The following PPP2R2A variants were observed in gnomAD, a reference collection of about 807,000 sequenced individuals.
PPP2R2A encodes serine/threonine-protein phosphatase 2A 55 kDa regulatory subunit B alpha isoform.
PPP2R2A carries 9 observed loss-of-function variants against 53.2 expected under a neutral mutation model. The ratio of observed to expected loss-of-function variants is 0.17; its 90% CI spans 0.10 to 0.30. PPP2R2A has a LOEUF of 0.30. Ranked by LOEUF, PPP2R2A falls within the 10% of genes least tolerant of loss-of-function variation. PPP2R2A has a pLI of 1.00. For missense variants in PPP2R2A, 235 were observed against 534.6 expected (o/e 0.44, Z 5.53); for synonymous variants, 169 against 174.2 (o/e 0.97, Z 0.23).
At chr8:26,308,854 C>G (rs1283586003) in intron 2 of PPP2R2A, among the ~76,000 whole-genome samples, 3 of 151,754 alleles carry the variant, frequency 2.0e-5, no homozygotes, top group Admixed American at 6.6e-5. Context: ...TACAGCCTTA[C>G]AAAATATATA....
intron 4 of PPP2R2A, among the ~76,000 whole-genome samples, chr8:26,355,013 T>C (rs914569762): frequency 6.6e-6 from 1 of 152,212 alleles, no homozygotes; most frequent in Non-Finnish European, 1.5e-5. Flanking sequence ...TTATGAATAT[T>C]AAATAACTTC....
intron 2 of PPP2R2A, among the ~76,000 whole-genome samples, chr8:26,333,914 G>T (rs1265977814): frequency 1.3e-5 from 2 of 152,146 alleles, no homozygotes; most frequent in Non-Finnish European, 2.9e-5. Flanking sequence ...GAAAGAGGGG[G>T]TGGAAAAAGT....
At chr8:26,326,446 C>T (rs139815802) in intron 2 of PPP2R2A, among the ~76,000 whole-genome samples, 63 of 152,220 alleles carry the variant, frequency 4.1e-4, no homozygotes, top group African/African-American at 1.5e-3. Flanking sequence ...AATATTTTGC[C>T]TCTTTGTTTT....
chr8:26,293,593 G>A (rs552891908), intron 1 of PPP2R2A, 73 bp from the exon 2 acceptor site: 3 of 1,424,604 alleles, frequency 2.1e-6, no homozygotes, highest in South Asian at 2.5e-5. Context: ...GCCAACCATG[G>A]ATACCATCTT....
intron 2 of PPP2R2A, among the ~76,000 whole-genome samples, chr8:26,304,026 G>A (rs565766238): frequency 1.1e-3 from 171 of 152,324 alleles, no homozygotes; most frequent in African/African-American, 4.0e-3. Context: ...CACAGGGTCT[G>A]TGGACCGGTG....
At chr8:26,293,519 C>G (rs1288836132) in intron 1 of PPP2R2A, 147 bp from the exon 2 acceptor site, 3 of 779,298 alleles carry the variant, frequency 3.8e-6, no homozygotes, top group Non-Finnish European at 6.0e-6. Flanking sequence ...GGACTAACCT[C>G]TTTCCAAACT....
At chr8:26,315,265 G>T (rs1203345354) in intron 2 of PPP2R2A, among the ~76,000 whole-genome samples, 1 of 151,966 alleles carries the variant, frequency 6.6e-6, no homozygotes, top group African/African-American at 2.4e-5. Context: ...AGAGATATTC[G>T]GCTGGTGGGC....
chr8:26,298,922 AT>A (rs1203735499), intron 2 of PPP2R2A, among the ~76,000 whole-genome samples: 15 of 152,240 alleles, frequency 9.9e-5, no homozygotes, highest in African/African-American at 3.4e-4. Flanking sequence ...ACTTGTGGAA[AT>A]AAATTATTAA....
chr8:26,362,755 A>G lies in PPP2R2A; in HGVS notation c.709A>G (p.Asn237Asp). The G allele has an allele frequency of 6.2e-7, 1 of 1,614,022 alleles. No homozygotes were observed. The highest frequency in any genetic ancestry group is 8.5e-7 in the Non-Finnish European group (1 of 1,179,886). ...GATTACAGCAGCAGAATTTCATCCA[A>G]ACAGCTGTAACACATTTGTATACAG... ...EVITAAEFHPNSCNTFVYSSS... is the reference protein window; with the variant it reads ...EVITAAEFHPDSCNTFVYSSS... Residue 237 changes from asparagine to aspartate, a missense_variant, in exon 7 of 10, where the codon AAC (asparagine) becomes GAC (aspartate). Coordinates refer to ENST00000380737, the MANE Select transcript of PPP2R2A (RefSeq NM_002717.4). The surrounding 1 kb of genome is among the most constrained non-coding windows in gnomAD (Gnocchi z 4.4).
chr8:26,297,902 G>T (rs7835760), intron 2 of PPP2R2A, among the ~76,000 whole-genome samples: 146,592 of 152,316 alleles, frequency 0.96, 70,583 homozygotes, highest in East Asian at 1. Context: ...ATATATGTGT[G>T]TTATACATAC....
At chr8:26,324,436 G>A (rs1404692225) in intron 2 of PPP2R2A, among the ~76,000 whole-genome samples, 3 of 152,178 alleles carry the variant, frequency 2.0e-5, no homozygotes, top group South Asian at 2.1e-4. Context: ...CAGCTTCCAC[G>A]TGGTGTTGAG....
intron 9 of PPP2R2A, 138 bp downstream of exon 9, chr8:26,366,544 G>C (rs1232973791): frequency 3.4e-5 from 17 of 504,496 alleles, no homozygotes; most frequent in Non-Finnish European, 5.7e-5. Context: ...AGTACTGGTA[G>C]ATAAAAAATT....
chr8:26,339,877 A>AAT (rs1227000371), intron 3 of PPP2R2A: 2 of 152,128 alleles, frequency 1.3e-5, no homozygotes, highest in Non-Finnish European at 2.9e-5. Context: ...ATCTAGTAAT[A>AAT]ATACTACTAC....
intron 2 of PPP2R2A, among the ~76,000 whole-genome samples, chr8:26,332,488 A>G (rs1206434476): frequency 6.6e-6 from 1 of 151,162 alleles, no homozygotes; most frequent in Non-Finnish European, 1.5e-5. Flanking sequence ...TAAAACGGGC[A>G]TTTACATATT....
In PPP2R2A at chr8:26,321,922, G is replaced by T. The variant is rs1373212369; in HGVS notation, c.83-16968G>T. Among the ~76,000 whole-genome samples, 2 of 152,162 alleles carry T rather than the reference G, an allele frequency of 1.3e-5. No individual in the cohort carries two copies. Among genetic ancestry groups the T allele is most frequent in the African/African-American group, 2.4e-5 (1 of 41,424 alleles). Reference sequence around the variant, plus strand: ...CTCCTCGGTCTAAGATTTGAACTTGGTTCTAATGTGTTTTCTGGTTGAACC... The same window carrying T: ...CTCCTCGGTCTAAGATTTGAACTTGTTTCTAATGTGTTTTCTGGTTGAACC... On this transcript the variant is annotated intron_variant, in intron 2 of 9. Transcript: ENST00000380737. The surrounding 1 kb of genome is among the most constrained non-coding windows in gnomAD (Gnocchi z 4.1).
chr8:26,302,554 A>G (rs544864042), intron 2 of PPP2R2A, among the ~76,000 whole-genome samples: 19 of 152,234 alleles, frequency 1.2e-4, no homozygotes, highest in Non-Finnish European at 2.1e-4. Context: ...TTGAGATTCC[A>G]CAAACCTTCA....
rs558869999 is a variant in PPP2R2A, at chr8:26,371,514, G to T, written c.*1101G>T. Reference sequence around the variant, plus strand: ...AATTTCATTTTTGCCTTACTAAATAGTCAAAGACTTATAAAACATTTTTAA... The same window carrying T: ...AATTTCATTTTTGCCTTACTAAATATTCAAAGACTTATAAAACATTTTTAA... On this transcript the variant is annotated 3_prime_UTR_variant, in exon 10 of 10. Transcript: ENST00000380737. 1.3e-5 allele frequency: 2 copies of T among 151,790 alleles called. No individual in the cohort carries two copies. Among genetic ancestry groups the T allele is most frequent in the African/African-American group, 4.8e-5 (2 of 41,458 alleles). The allele number at this position is 151,790 out of a possible 1,614,324, so 9.4% of individuals were successfully genotyped here.
chr8:26,305,994 C>T (rs965680068), intron 2 of PPP2R2A, among the ~76,000 whole-genome samples: 1 of 152,020 alleles, frequency 6.6e-6, no homozygotes, highest in African/African-American at 2.4e-5. Context: ...TTTATGGTAG[C>T]CTACAAGCTA....
chr8:26,367,369 A>G (rs1805428678), intron 9 of PPP2R2A, among the ~76,000 whole-genome samples: 1 of 152,258 alleles, frequency 6.6e-6, no homozygotes, highest in Non-Finnish European at 1.5e-5. Context: ...GGTGTGGCGC[A>G]CAGCTACAAC....
Sources: allele counts gnomAD v4.1 joint callset (sites outside exome capture counted in the v4.1 genomes callset), GRCh38; gene constraint gnomAD v4.1.1; non-coding constraint Gnocchi (gnomAD v3.1); transcripts MANE v1.5; gene names NCBI Gene and HGNC (gene_info 2026-07-23, HGNC 2026-07-21).